The following C9 variants were observed in gnomAD, a reference collection of about 807,000 sequenced individuals.
The protein encoded by C9 is complement C9.
Under a neutral mutation model 65.4 loss-of-function variants are expected in C9, and 63 were observed. The observed-to-expected ratio is 0.96, with a 90% CI of 0.79 to 1.19. C9 has a LOEUF of 1.19. C9 is among the 50% of genes most tolerant of loss of function. The pLI is 0.00. For missense variants in C9, 744 were observed against 670.1 expected (o/e 1.11, Z -1.22); for synonymous variants, 229 against 227.9 (o/e 1.00, Z -0.04).
chr5:39,324,000 T>C (rs115356272), intron 5 of C9, among the ~76,000 whole-genome samples: 4,488 of 152,260 alleles, frequency 0.029, 205 homozygotes, highest in African/African-American at 0.1. Context: ...TGCAAAAGTC[T>C]GTTGCATTTC....
intron 9 of C9, among the ~76,000 whole-genome samples, chr5:39,302,516 A>G (rs1403894545): frequency 6.6e-6 from 1 of 152,130 alleles, no homozygotes; most frequent in Non-Finnish European, 1.5e-5. Context: ...CACTGGTACT[A>G]CAACCCTTTA....
At chr5:39,290,379 A>G (rs563342720) in intron 9 of C9, among the ~76,000 whole-genome samples, 44 of 151,946 alleles carry the variant, frequency 2.9e-4, no homozygotes, top group African/African-American at 1.0e-3. Flanking sequence ...AAATAGAGGC[A>G]CTTTGGTGGC....
chr5:39,344,153 A>G (rs1754143630), intron 1 of C9, among the ~76,000 whole-genome samples: 1 of 152,246 alleles, frequency 6.6e-6, no homozygotes, highest in Non-Finnish European at 1.5e-5. Context: ...CTCACCAGCA[A>G]TGGAACAAAG....
Position 39,331,723 on chromosome 5 carries a change from G to C in C9, c.568C>G (p.Leu190Val). 6.2e-7 allele frequency: 1 copy of C among 1,613,774 alleles called. No homozygotes were observed. Among genetic ancestry groups the C allele is most frequent in the Non-Finnish European group, 8.5e-7 (1 of 1,179,664 alleles). Reference sequence around the variant, plus strand: ...TTCCAAGGTCTTCGGTAGTATGTCAGAGTGTTTCCATCCCGATCCCGGTTA... The same window carrying C: ...TTCCAAGGTCTTCGGTAGTATGTCACAGTGTTTCCATCCCGATCCCGGTTA... Reference protein sequence around the residue: ...LCNRDRDGNTLTYYRRPWNVA... With the variant: ...LCNRDRDGNTVTYYRRPWNVA... Residue 190 changes from leucine to valine, a missense_variant, in exon 5 of 11, where the codon CTG becomes GTG. By Grantham distance (32) the Leu-to-Val change is conservative (BLOSUM62 1). Coordinates refer to ENST00000263408, the MANE Select transcript of C9 (RefSeq NM_001737.5).
intron 1 of C9, among the ~76,000 whole-genome samples, chr5:39,360,855 A>G (rs1754504568): frequency 6.6e-6 from 1 of 152,156 alleles, no homozygotes; most frequent in Non-Finnish European, 1.5e-5. Context: ...GAAAGTGCAA[A>G]ATAATACAAA....
At chr5:39,358,781 C>T (rs933538647) in intron 1 of C9, among the ~76,000 whole-genome samples, 5 of 151,552 alleles carry the variant, frequency 3.3e-5, no homozygotes, top group African/African-American at 7.3e-5. Flanking sequence ...GTAAGGAGAT[C>T]GAGACCACCC....
chr5:39,363,350 A>G (rs536990907), intron 1 of C9, among the ~76,000 whole-genome samples: 4 of 152,338 alleles, frequency 2.6e-5, no homozygotes, highest in Admixed American at 2.6e-4. Flanking sequence ...AGCCCTGTGA[A>G]TAACCCACTT....
At chr5:39,345,615 G>A (rs544779821) in intron 1 of C9, among the ~76,000 whole-genome samples, 1 of 152,278 alleles carries the variant, frequency 6.6e-6, no homozygotes, top group South Asian at 2.1e-4. Flanking sequence ...ACAGATCAGT[G>A]AGACAGAAAG....
intron 10 of C9, among the ~76,000 whole-genome samples, chr5:39,288,018 A>T (rs185144196): frequency 6.6e-6 from 1 of 152,156 alleles, no homozygotes; most frequent in East Asian, 1.9e-4. Context: ...CTTATGATTA[A>T]CTTAAAAATA....
At chr5:39,343,194 G>A (rs915181211) in intron 1 of C9, among the ~76,000 whole-genome samples, 3 of 152,218 alleles carry the variant, frequency 2.0e-5, no homozygotes, top group Non-Finnish European at 4.4e-5. Context: ...GACAGTGGGT[G>A]CAGCCCACTG....
chr5:39,289,407 C>T (rs1254690160), intron 9 of C9, among the ~76,000 whole-genome samples: 2 of 150,928 alleles, frequency 1.3e-5, no homozygotes, highest in African/African-American at 4.8e-5. Context: ...GTCCAGAATG[C>T]CCCTGAAGGC....
intron 9 of C9, among the ~76,000 whole-genome samples, chr5:39,298,438 A>G (rs1362781094): frequency 3.3e-5 from 5 of 151,838 alleles, no homozygotes; most frequent in African/African-American, 1.2e-4. Context: ...GACAAAAGGG[A>G]AAAACTTTAA....
intron 5 of C9, among the ~76,000 whole-genome samples, chr5:39,318,726 G>A (rs1225254751): frequency 6.6e-6 from 1 of 151,984 alleles, no homozygotes; most frequent in Non-Finnish European, 1.5e-5. Context: ...ATTTAGTATT[G>A]AGTGGTTGTT....
chr5:39,335,038 G>GT (rs1458937144), intron 4 of C9, among the ~76,000 whole-genome samples: 1 of 151,594 alleles, frequency 6.6e-6, no homozygotes, highest in Non-Finnish European at 1.5e-5. Flanking sequence ...TATCACTAAG[G>GT]TTTTGACACA....
chr5:39,324,210 A>G (rs1036222273), intron 5 of C9, among the ~76,000 whole-genome samples: 6 of 152,202 alleles, frequency 3.9e-5, no homozygotes, highest in Admixed American at 6.5e-5. Context: ...GGATTGGAAG[A>G]ATTAATATTG....
chr5:39,304,617 A>G (rs140101400), intron 9 of C9, among the ~76,000 whole-genome samples: 62 of 152,210 alleles, frequency 4.1e-4, no homozygotes, highest in African/African-American at 1.4e-3. Context: ...CTTTTCCTCA[A>G]CTCTTTCTAC....
chr5:39,349,606 CTT>C (rs1414687192), intron 1 of C9, among the ~76,000 whole-genome samples: 1 of 152,164 alleles, frequency 6.6e-6, no homozygotes, highest in Admixed American at 6.5e-5. Context: ...ACCCTCGTCT[CTT>C]GTTTCCTACA....
chr5:39,346,609 C>T (rs1213583304), intron 1 of C9, among the ~76,000 whole-genome samples: 2 of 152,184 alleles, frequency 1.3e-5, no homozygotes, highest in Non-Finnish European at 2.9e-5. Context: ...GGAGCTGCTA[C>T]CACTCTTTCT....
chr5:39,301,476 C>A (rs1448040733), intron 9 of C9, among the ~76,000 whole-genome samples: 14 of 151,930 alleles, frequency 9.2e-5, no homozygotes, highest in Admixed American at 9.2e-4. Context: ...TGTGAATTTT[C>A]TGATTTTGAT....
Sources: allele counts gnomAD v4.1 joint callset (sites outside exome capture counted in the v4.1 genomes callset), GRCh38; gene constraint gnomAD v4.1.1; transcripts MANE v1.5; gene names NCBI Gene and HGNC (gene_info 2026-07-23, HGNC 2026-07-21).